Variants in HELT observed in about 807,000 individuals in gnomAD.
HELT encodes helt bHLH transcription factor.
Under a neutral mutation model 19.5 loss-of-function variants are expected in HELT, and 9 were observed. That is an observed-to-expected ratio of 0.46 (90% confidence interval 0.28 to 0.80). The LOEUF is 0.80. Ranked by LOEUF, HELT falls within the 30% of genes least tolerant of loss-of-function variation. HELT has a pLI of 0.12. For missense variants in HELT, 366 were observed against 326.3 expected, an observed-to-expected ratio of 1.12 and a Z score of -0.94; for synonymous variants, 162 against 148.3, an observed-to-expected ratio of 1.09 and a Z score of -0.67.
rs549019752 is a variant in HELT at position 185,020,952 on chromosome 4, A to T, written c.*180A>T. 22 of 761,476 alleles carry T rather than the reference A, an allele frequency of 2.9e-5. No homozygotes were observed. The East Asian group carries it at 6.3e-4, about 22-fold the overall frequency. 47.2% of individuals were successfully genotyped at this position (761,476 alleles called of 1,614,324 possible). ...ATAAACGTTTTCTGATAAAGACCCA[A>T]AGAGAGGGATTTATGTATTACCTTC... On this transcript the variant is annotated 3_prime_UTR_variant, in exon 4 of 4. Coordinates refer to ENST00000515777, the MANE Select transcript of HELT (RefSeq NM_001300781.2).
Position 185,020,775 on chromosome 4 carries a change from C to T in HELT, c.*3C>T. The T allele has an allele frequency of 1.3e-6, 2 of 1,512,384 alleles. No homozygotes were observed. Among genetic ancestry groups the T allele is most frequent in the Non-Finnish European group, 1.8e-6 (2 of 1,138,446 alleles). The allele number at this position is 1,512,384 out of a possible 1,614,324, so 93.7% of individuals were successfully genotyped here. On this transcript the variant is annotated 3_prime_UTR_variant, in exon 4 of 4. Transcript: ENST00000515777. ...CCCAGCACCCCCCGGTGCTCTGACGCCCACTCGCCCGCCAGATTTCTCCTC... is the reference window on the plus strand; with the variant it reads ...CCCAGCACCCCCCGGTGCTCTGACGTCCACTCGCCCGCCAGATTTCTCCTC...
Position 185,019,703 on chromosome 4 carries a change from AGCAGGC to A in HELT, c.133-41_133-36del, listed in dbSNP as rs1191645806. 1.9e-6 allele frequency: 3 copies of A among 1,612,072 alleles called. No individual in the cohort carries two copies. In the East Asian group the frequency reaches 6.7e-5, roughly 36 times the overall value. On this transcript the variant is annotated intron_variant, in intron 2 of 3. Transcript: ENST00000515777. Reference sequence around the variant, plus strand: ...CTCTCCAGCGCCACAGTGCCCGACCAGCAGGCGCTGGGCCGCTGCGAGGGGCCCTTC... The same window carrying A: ...CTCTCCAGCGCCACAGTGCCCGACCAGCTGGGCCGCTGCGAGGGGCCCTTC...
intron 1 of HELT, 89 bp from the exon 2 acceptor site, chr4:185,019,298 G>C (rs2111140461): frequency 8.3e-7 from 1 of 1,211,396 alleles, no homozygotes; most frequent in Admixed American, 2.1e-5. Flanking sequence ...TGCGCGGCTG[G>C]AGAGGCGGCT....
Position 185,019,832 on chromosome 4 carries a change from G to A in HELT, c.218G>A (p.Gly73Glu), listed in dbSNP as rs1734008985. ...RALHSADFPR[G>E]REKAELLAEF... ...CTGCACTCCGCTGATTTTCCCCGGG[G>A]AAGGGAAAAAGGTGGGCACAGGTTA... The change falls in exon 3 of 4, where the codon GGA (glycine) becomes GAA (glutamate). Residue 73 changes from glycine to glutamate, a missense_variant. Transcript: ENST00000515777. 1.2e-6 allele frequency: 2 copies of A among 1,613,300 alleles called. No homozygotes were observed. The highest frequency in any genetic ancestry group is 1.7e-6 in the Non-Finnish European group (2 of 1,179,844).
chr4:185,020,634 G>A lies in HELT; in HGVS notation c.591G>A (p.Pro197=), dbSNP rs1475852824. The change falls in exon 4 of 4, where the codon CCG becomes CCA. Residue 197 remains proline (P), a synonymous_variant. Coordinates refer to ENST00000515777, the MANE Select transcript of HELT (RefSeq NM_001300781.2). ...ALPYLPSAPV[P]LASPAQQHSP... is the part of the protein sequence containing the mutation. The stretch of plus-strand genomic sequence containing the variant: ...CCTACCTGCCCAGCGCGCCAGTGCC[G>A]CTCGCTAGCCCAGCGCAGCAGCACA... 5 of 1,602,902 alleles carry A rather than the reference G, an allele frequency of 3.1e-6. No individual in the cohort carries two copies. The highest frequency in any genetic ancestry group is 4.2e-6 in the Non-Finnish European group (5 of 1,178,924).
chr4:185,020,622 C>G lies in HELT; in HGVS notation c.579C>G (p.Ser193Arg). The G allele has an allele frequency of 1.2e-6, 2 of 1,601,532 alleles. No homozygotes were observed. The highest frequency in any genetic ancestry group is 1.7e-6 in the Non-Finnish European group (2 of 1,178,338). Residue 193 changes from serine to arginine, a missense_variant, in exon 4 of 4, where the codon AGC becomes AGG. Coordinates refer to ENST00000515777, the MANE Select transcript of HELT (RefSeq NM_001300781.2). ...ARSPALPYLP[S>R]APVPLASPAQ... ...GCCCCGCGCTGCCCTACCTGCCCAG[C>G]GCGCCAGTGCCGCTCGCTAGCCCAG... is the stretch of plus-strand genomic sequence containing the variant.
Position 185,020,630 on chromosome 4 carries a change from T to C in HELT, c.587T>C (p.Val196Ala), listed in dbSNP as rs757758462. 6.2e-7 allele frequency: 1 copy of C among 1,602,832 alleles called. No individual in the cohort carries two copies. Among genetic ancestry groups the C allele is most frequent in the East Asian group, 2.2e-5 (1 of 44,770 alleles). ...PALPYLPSAP[V>A]PLASPAQQHS... Reference sequence around the variant, plus strand: ...CTGCCCTACCTGCCCAGCGCGCCAGTGCCGCTCGCTAGCCCAGCGCAGCAG... The same window carrying C: ...CTGCCCTACCTGCCCAGCGCGCCAGCGCCGCTCGCTAGCCCAGCGCAGCAG... Residue 196 changes from valine (V) to alanine (A), a missense_variant, in exon 4 of 4, where the codon GTG becomes GCG. Coordinates refer to ENST00000515777, the MANE Select transcript of HELT (RefSeq NM_001300781.2).
At chr4:185,019,566 C>G in intron 2 of HELT, 75 bp downstream of exon 2, 1 of 1,551,580 alleles carries the variant, frequency 6.4e-7, no homozygotes, top group South Asian at 1.2e-5. Context: ...ACGCCCGAGC[C>G]CGCGGACACA....
rs754078746 is a variant in HELT, at chr4:185,019,388, G to C, written c.29G>C (p.Arg10Thr). The change falls in exon 2 of 4, where the codon AGA (arginine) becomes ACA (threonine). Residue 10 changes from arginine to threonine, a missense_variant and splice_region_variant. Arg to Thr is a moderately conservative substitution (Grantham distance 71). Coordinates refer to ENST00000515777, the MANE Select transcript of HELT (RefSeq NM_001300781.2). MSDKLKERKRTPVSHKVIEK... is the reference protein window; with the variant it reads MSDKLKERKTTPVSHKVIEK... ...AAACATACAACCCTCTCTTCGCAGA[G>C]AACCCCCGTTTCTCATAAAGTGATA... The C allele has an allele frequency of 4.3e-6, 7 of 1,610,080 alleles. 1 individual carries two copies. The South Asian group carries it at 7.7e-5, about 18-fold the overall frequency.
rs913618411 is a variant in HELT, at chr4:185,018,819, C to T, written c.-110C>T. 6.2e-6 allele frequency: 7 copies of T among 1,136,792 alleles called. No homozygotes were observed. The highest frequency in any genetic ancestry group is 7.5e-6 in the Non-Finnish European group (6 of 804,470). 70.4% of individuals were successfully genotyped at this position (1,136,792 alleles called of 1,614,324 possible). Reference sequence around the variant, plus strand: ...GATGACCGCTTTATAAGGCAGCCCTCGGAGTTGGGAGGCTGCAGTCTACCT... The same window carrying T: ...GATGACCGCTTTATAAGGCAGCCCTTGGAGTTGGGAGGCTGCAGTCTACCT... On this transcript the variant is annotated 5_prime_UTR_variant, in exon 1 of 4. Coordinates refer to ENST00000515777, the MANE Select transcript of HELT (RefSeq NM_001300781.2).
At chr4:185,020,202 C>A in intron 3 of HELT, 71 bp from the exon 4 acceptor site, 3 of 1,565,882 alleles carry the variant, frequency 1.9e-6, no homozygotes, top group Non-Finnish European at 1.7e-6. Context: ...GTGCCCTGCA[C>A]CCGCTTTGGG....
chr4:185,018,798 A>T lies in HELT; in HGVS notation c.-131A>T. ...GTGAATGCATCTGGAGCCCTAGATG[A>T]CCGCTTTATAAGGCAGCCCTCGGAG... On this transcript the variant is annotated 5_prime_UTR_variant, in exon 1 of 4. Transcript: ENST00000515777. 1.1e-6 allele frequency: 1 copy of T among 871,994 alleles called. No homozygotes were observed. The highest frequency in any genetic ancestry group is 1.7e-5 in the African/African-American group (1 of 59,032). 54.0% of individuals were successfully genotyped at this position (871,994 alleles called of 1,614,324 possible). A position where few individuals can be genotyped will look rare whatever the true frequency, so the allele number is the denominator to read the frequency against.
chr4:185,020,575 T>C lies in HELT; in HGVS notation c.532T>C (p.Trp178Arg), dbSNP rs779616003. The change falls in exon 4 of 4, where the codon TGG becomes CGG. Residue 178 changes from tryptophan (W) to arginine (R), a missense_variant. Transcript: ENST00000515777. ...GGGCTCTGGTGCCGGGCCTTTCCCC[T>C]GGCCGCCTGGCGCGGCCCGCAGCCC... ...PQGSGAGPFP[W>R]PPGAARSPAL... 3 of 1,595,284 alleles carry C rather than the reference T, an allele frequency of 1.9e-6. No homozygotes were observed. In the Admixed American group the frequency reaches 5.1e-5, roughly 27 times the overall value.
chr4:185,019,578 A>T lies in HELT; in HGVS notation c.132+87A>T, dbSNP rs540165577. The T allele has an allele frequency of 7.7e-6, 12 of 1,554,274 alleles. No individual in the cohort carries two copies. The East Asian group carries it at 2.4e-4, about 31-fold the overall frequency. On this transcript the variant is annotated intron_variant, in intron 2 of 3. Transcript: ENST00000515777. ...GAGACGCCCGAGCCCGCGGACACAG[A>T]GGACCTCACTTGCGGGCCCCTCCCA...
chr4:185,019,710 G>T (rs200553065), intron 2 of HELT, 37 bp from the exon 3 acceptor site: 99 of 1,611,982 alleles, frequency 6.1e-5, no homozygotes, highest in Non-Finnish European at 7.2e-5. Context: ...ACCAGCAGGC[G>T]CTGGGCCGCT....
At chr4:185,020,128 TA>T in intron 3 of HELT, 144 bp from the exon 4 acceptor site, 1 of 1,247,022 alleles carries the variant, frequency 8.0e-7, no homozygotes, top group Non-Finnish European at 1.1e-6. Context: ...CGCCAGTCTC[TA>T]AGACTGCGCA....
Position 185,020,894 on chromosome 4 carries a change from C to A in HELT, c.*122C>A, listed in dbSNP as rs1371494771. Reference sequence around the variant, plus strand: ...AATCTGGGCTGGGGGAGGCAAAGAGCGAATGAGTCTTCTGAAGGATCTCCC... The same window carrying A: ...AATCTGGGCTGGGGGAGGCAAAGAGAGAATGAGTCTTCTGAAGGATCTCCC... On this transcript the variant is annotated 3_prime_UTR_variant, in exon 4 of 4. Coordinates refer to ENST00000515777, the MANE Select transcript of HELT (RefSeq NM_001300781.2). The A allele has an allele frequency of 3.4e-6, 4 of 1,177,040 alleles. No individual in the cohort carries two copies. Among genetic ancestry groups the A allele is most frequent in the South Asian group, 2.0e-5 (1 of 49,484 alleles). The allele number at this position is 1,177,040 out of a possible 1,614,324, so 72.9% of individuals were successfully genotyped here.
chr4:185,019,525 G>T lies in HELT; in HGVS notation c.132+34G>T, dbSNP rs762777062. On this transcript the variant is annotated intron_variant, in intron 2 of 3. Transcript: ENST00000515777. Reference sequence around the variant, plus strand: ...GGCGACCCGGAGCCGGGTGCCAGGCGTTGGGAGGCCTCTGCGGCCACTCTG... The same window carrying T: ...GGCGACCCGGAGCCGGGTGCCAGGCTTTGGGAGGCCTCTGCGGCCACTCTG... 3.0e-5 allele frequency: 48 copies of T among 1,577,058 alleles called. No individual in the cohort carries two copies. In the African/African-American group the frequency reaches 3.7e-4, roughly 12 times the overall value.
Position 185,018,967 on chromosome 4 carries a change from G to A in HELT, c.27+12G>A. The A allele has an allele frequency of 6.2e-7, 1 of 1,613,448 alleles. No homozygotes were observed. Among genetic ancestry groups the A allele is most frequent in the South Asian group, 1.1e-5 (1 of 90,986 alleles). Reference sequence around the variant, plus strand: ...TCAAGGAACGCAAAGTGAGTCGGCTGAGCCCAAATGGCACTTGCGCCCTGG... The same window carrying A: ...TCAAGGAACGCAAAGTGAGTCGGCTAAGCCCAAATGGCACTTGCGCCCTGG... On this transcript the variant is annotated intron_variant, in intron 1 of 3. Transcript: ENST00000515777.
Sources: allele counts gnomAD v4.1 joint callset, GRCh38; gene constraint gnomAD v4.1.1; transcripts MANE v1.5; gene names NCBI Gene and HGNC (gene_info 2026-07-23, HGNC 2026-07-21).